Variants in IFI27L1 observed in about 807,000 individuals in gnomAD.
The protein encoded by IFI27L1 is interferon alpha inducible protein 27 like 1.
In IFI27L1, 3 loss-of-function variants were observed where a neutral mutation model predicts 9.2. That is an observed-to-expected ratio of 0.32 (90% CI 0.15 to 0.84). IFI27L1 has a LOEUF of 0.84. Ranked by LOEUF, IFI27L1 falls within the 40% of genes least tolerant of loss-of-function variation. IFI27L1 has a pLI of 0.56. For missense variants in IFI27L1, 133 were observed against 134.2 expected (o/e 0.99, Z 0.05); for synonymous variants, 53 against 50.0 (o/e 1.06, Z -0.26).
rs1031260308 is a variant in IFI27L1, at chr14:94,088,200, G to A, written c.-52+6751G>A. On this transcript the variant is annotated intron_variant, in intron 1 of 4. Transcript: ENST00000555523. ...GGAAGGGACACAGGGGCTGTGCTTC[G>A]GCTTCTTCTACTGCCAAGCATTGTA... 4.1e-5 allele frequency: 29 copies of A among 700,718 alleles called. 1 individual carries two copies. Among genetic ancestry groups the A allele is most frequent in the African/African-American group, 2.3e-4 (13 of 57,308 alleles). The allele number at this position is 700,718 out of a possible 1,614,324, so 43.4% of individuals were successfully genotyped here. A position where few individuals can be genotyped will look rare whatever the true frequency, so the allele number is the denominator to read the frequency against.
Position 94,099,788 on chromosome 14 carries a change from C to G in IFI27L1, c.29-951C>G, listed in dbSNP as rs566158641. ...AAACTGGAAAGGGAGGAGTTAGGGG[C>G]CTCTAGGGGGCTGCTCGCTGTAGGG... On this transcript the variant is annotated intron_variant, in intron 2 of 4. Coordinates refer to ENST00000555523, the MANE Select transcript of IFI27L1 (RefSeq NM_206949.3). 1.2e-4 allele frequency among the ~76,000 whole-genome samples: 18 copies of G among 152,152 alleles called. 2 individuals are homozygous for G. Among genetic ancestry groups the G allele is most frequent in the African/African-American group, 4.3e-4 (18 of 41,510 alleles).
At position 94,081,446 on chromosome 14, in the gene IFI27L1, T is replaced by A. The variant is rs1163826154; in HGVS notation, c.-55T>A. The stretch of plus-strand genomic sequence containing the variant: ...AGAGACTTTGTCAGCTCCCGCACAG[T>A]AACGTAAGTTTTCTTGTATTCTTAG... On this transcript the variant is annotated 5_prime_UTR_variant, in exon 1 of 5. Coordinates refer to ENST00000555523, the MANE Select transcript of IFI27L1 (RefSeq NM_206949.3). The A allele has an allele frequency of 6.6e-6, 1 of 152,280 alleles. No homozygotes were observed. Among genetic ancestry groups the A allele is most frequent in the Admixed American group, 6.5e-5 (1 of 15,292 alleles). The allele number at this position is 152,280 out of a possible 1,614,324, so 9.4% of individuals were successfully genotyped here.
chr14:94,089,280 A>G (rs1218593637), intron 1 of IFI27L1: 1 of 152,206 alleles, frequency 6.6e-6, no homozygotes, highest in Non-Finnish European at 1.5e-5. Context: ...GAATGATAAT[A>G]CTTATAGTTA....
At chr14:94,099,502 C>T (rs1365289160) in intron 2 of IFI27L1, among the ~76,000 whole-genome samples, 1 of 152,022 alleles carries the variant, frequency 6.6e-6, no homozygotes, top group Non-Finnish European at 1.5e-5. Context: ...CAGCCACAGG[C>T]CCGGAGCACC....
chr14:94,087,232 G>T (rs75112385), intron 1 of IFI27L1, among the ~76,000 whole-genome samples: 3,546 of 152,276 alleles, frequency 0.023, 138 homozygotes, highest in African/African-American at 0.081. Context: ...TCTGAGGTTG[G>T]GCAGGTAGTT....
intron 1 of IFI27L1, chr14:94,088,112 T>C (rs1886343234): frequency 4.8e-6 from 3 of 626,334 alleles, no homozygotes; most frequent in Non-Finnish European, 8.6e-6. Context: ...CTTCCCCATA[T>C]GCCAGTTCTG....
At chr14:94,086,936 TAACA>T (rs1269229396) in intron 1 of IFI27L1, among the ~76,000 whole-genome samples, 3 of 152,094 alleles carry the variant, frequency 2.0e-5, no homozygotes, top group African/African-American at 4.8e-5. Flanking sequence ...TCAACCTAAA[TAACA>T]AACAGAGAGA....
chr14:94,094,996 A>G (rs988500561), intron 1 of IFI27L1: 1 of 152,176 alleles, frequency 6.6e-6, no homozygotes, highest in African/African-American at 2.4e-5. Context: ...AGAGCGAGTT[A>G]AAGGCCCCTC....
chr14:94,100,393 G>A (rs1346321996), intron 2 of IFI27L1: 11 of 985,254 alleles, frequency 1.1e-5, no homozygotes, highest in South Asian at 4.7e-5. Context: ...CCCTGCCCCC[G>A]TGGCAGCCAT....
intron 4 of IFI27L1, among the ~76,000 whole-genome samples, chr14:94,102,236 C>G (rs1567073403): frequency 6.6e-6 from 1 of 152,172 alleles, no homozygotes; most frequent in Admixed American, 6.5e-5. Context: ...TGCCATTTCT[C>G]AGAGGGTCTG....
intron 1 of IFI27L1, among the ~76,000 whole-genome samples, chr14:94,093,414 GC>G (rs989055537): frequency 1.3e-5 from 2 of 151,798 alleles, no homozygotes; most frequent in Non-Finnish European, 2.9e-5. Flanking sequence ...CTCGTGATCC[GC>G]CCGCCTCAGC....
In IFI27L1 at chr14:94,102,665, A is replaced by G; in HGVS notation, c.*97A>G. 1.6e-6 allele frequency: 1 copy of G among 624,894 alleles called. No individual in the cohort carries two copies. The highest frequency in any genetic ancestry group is 2.5e-5 in the South Asian group (1 of 39,718). The allele number at this position is 624,894 out of a possible 1,614,324, so 38.7% of individuals were successfully genotyped here. On this transcript the variant is annotated 3_prime_UTR_variant, in exon 5 of 5. Transcript: ENST00000555523. The stretch of plus-strand genomic sequence containing the variant: ...CCAAAGGACAAGTCTCCTACTCCCA[A>G]AACTATTTAAGGAAGCATGAAAAAT...
In IFI27L1 at chr14:94,101,872, A is replaced by T. The variant is rs1438113040; in HGVS notation, c.120A>T (p.Gly40=). 6.2e-7 allele frequency: 1 copy of T among 1,614,246 alleles called. No homozygotes were observed. Among genetic ancestry groups the T allele is most frequent in the East Asian group, 2.2e-5 (1 of 44,880 alleles). Reference sequence around the variant, plus strand: ...GTGCCATGGGCTTCACCTCAGTAGGAATCGCCGCATCCTCCATAGCAGCCA... The same window carrying T: ...GTGCCATGGGCTTCACCTCAGTAGGTATCGCCGCATCCTCCATAGCAGCCA... ...ALSAMGFTSV[G]IAASSIAAKM... Residue 40 remains glycine, a synonymous_variant, in exon 4 of 5, where the codon GGA becomes GGT. Coordinates refer to ENST00000555523, the MANE Select transcript of IFI27L1 (RefSeq NM_206949.3).
At chr14:94,096,509 C>T (rs1245361436) in intron 1 of IFI27L1, among the ~76,000 whole-genome samples, 1 of 152,112 alleles carries the variant, frequency 6.6e-6, no homozygotes, top group African/African-American at 2.4e-5. Flanking sequence ...GCCTGACCAA[C>T]ATGGTGAAAC....
Position 94,084,314 on chromosome 14 carries a change from C to T in IFI27L1, c.-52+2865C>T, listed in dbSNP as rs117716829. Among the ~76,000 whole-genome samples the T allele has an allele frequency of 1.1e-3, 166 of 152,162 alleles. 3 individuals carry two copies. In the South Asian group the frequency reaches 0.016, roughly 15 times the overall value. On this transcript the variant is annotated intron_variant, in intron 1 of 4. Coordinates refer to ENST00000555523, the MANE Select transcript of IFI27L1 (RefSeq NM_206949.3). ...CTCAGGAGTTCAAGATCAGCCCAGG[C>T]GACATGGTGAAACCCCGTCTCTACA...
intron 2 of IFI27L1, chr14:94,097,476 C>G: frequency 1.7e-6 from 1 of 597,394 alleles, no homozygotes; most frequent in Non-Finnish European, 3.0e-6. Context: ...CATTTTAATT[C>G]TGACAACTTT....
chr14:94,098,933 C>G (rs1394708893), intron 2 of IFI27L1, among the ~76,000 whole-genome samples: 1 of 152,226 alleles, frequency 6.6e-6, no homozygotes, highest in Non-Finnish European at 1.5e-5. Flanking sequence ...TCATGCAGCT[C>G]TGAGTCTGGG....
chr14:94,100,819 C>T (rs371508403), intron 3 of IFI27L1, 48 bp downstream of exon 3: 227 of 1,602,728 alleles, frequency 1.4e-4, no homozygotes, highest in Non-Finnish European at 1.8e-4. Flanking sequence ...CCGCCTCCCC[C>T]CAGCCCTGAG....
chr14:94,087,668 T>C (rs1886327713), intron 1 of IFI27L1, among the ~76,000 whole-genome samples: 1 of 152,018 alleles, frequency 6.6e-6, no homozygotes, highest in Admixed American at 6.6e-5. Context: ...CCTCGTGATC[T>C]GCCCGCCTCG....
Sources: allele counts gnomAD v4.1 joint callset (sites outside exome capture counted in the v4.1 genomes callset), GRCh38; gene constraint gnomAD v4.1.1; transcripts MANE v1.5; gene names NCBI Gene and HGNC (gene_info 2026-07-23, HGNC 2026-07-21).